Variants in TBC1D4 observed in about 807,000 individuals in gnomAD.
The protein encoded by TBC1D4 is TBC (Tre-2, BUB2, CDC16) domain-containing protein.
Under a neutral mutation model 142.5 loss-of-function variants are expected in TBC1D4, and 121 were observed. The observed-to-expected ratio is 0.85, with a 90% CI of 0.73 to 0.99. The LOEUF (loss-of-function observed/expected upper bound fraction) is 0.99. Among genes scored for constraint, TBC1D4 ranks in the 50% least tolerant of loss-of-function variants. The pLI is 0.00. For synonymous variants in TBC1D4, 630 were observed against 628.2 expected, an observed-to-expected ratio of 1.00 and a Z score of -0.04; for missense variants, 1,475 against 1,606.6, an observed-to-expected ratio of 0.92 and a Z score of 1.40.
In TBC1D4 at chr13:75,333,486, T is replaced by C. The variant is rs550854316; in HGVS notation, c.1731+3435A>G. On this transcript the variant is annotated intron_variant, in intron 8 of 20. Coordinates refer to ENST00000377636, the MANE Select transcript of TBC1D4 (RefSeq NM_014832.5). ...TCACTTTGTTTCTCTTTTTTCATTT[T>C]GAAGCCATCTCAAATGCAGAGGCAA... is the stretch of plus-strand genomic sequence containing the variant. Among the ~76,000 whole-genome samples the C allele has an allele frequency of 3.7e-4, 56 of 152,360 alleles. No homozygotes were observed. In the South Asian group the frequency reaches 6.0e-3, roughly 16 times the overall value.
At chr13:75,292,614 G>A (rs1361897314) in intron 18 of TBC1D4, among the ~76,000 whole-genome samples, 1 of 150,506 alleles carries the variant, frequency 6.6e-6, no homozygotes, top group African/African-American at 2.4e-5. Flanking sequence ...TTCACAACAG[G>A]AATACAAAAA....
chr13:75,341,542 G>T lies in TBC1D4; in HGVS notation c.1454C>A (p.Ser485Ter), dbSNP rs373742805. The T allele has an allele frequency of 6.2e-7, 1 of 1,613,914 alleles. No individual in the cohort carries two copies. Among genetic ancestry groups the T allele is most frequent in the African/African-American group, 1.3e-5 (1 of 74,886 alleles). ...RAKLVIQRHL[S>*]SLTDNEQADI... ...AGCTTGCTCATTATCTGTCAGTGAT[G>T]AGAGATGCCTCTGTATCACCAGCTT... The change falls in exon 6 of 21, where the codon TCA becomes TAA. Residue 485 changes from serine to a stop codon, truncating the protein, a stop_gained. Transcript: ENST00000377636. LOFTEE classifies it high-confidence loss of function.
intron 1 of TBC1D4, among the ~76,000 whole-genome samples, chr13:75,394,517 GTTTAAT>G (rs1034333836): frequency 3.3e-5 from 5 of 152,124 alleles, no homozygotes; most frequent in African/African-American, 1.2e-4. Context: ...TATAATTTTT[GTTTAAT>G]TTTAAGGAAA....
Position 75,326,284 on chromosome 13 carries a change from C to T in TBC1D4, c.1946G>A (p.Ser649Asn), listed in dbSNP as rs762129447. The T allele has an allele frequency of 1.7e-5, 27 of 1,614,102 alleles. No individual in the cohort carries two copies. The highest frequency in any genetic ancestry group is 2.3e-5 in the Non-Finnish European group (27 of 1,180,024). Residue 649 changes from serine (S) to asparagine (N), a missense_variant, in exon 10 of 21, where the codon AGC becomes AAC. Coordinates refer to ENST00000377636, the MANE Select transcript of TBC1D4 (RefSeq NM_014832.5). ...CTGCAAATTCAGCTTTCTCTTTGTGCTTGAAGGTGGGTGGCTGAACGTGTG... is the reference window on the plus strand; with the variant it reads ...CTGCAAATTCAGCTTTCTCTTTGTGTTTGAAGGTGGGTGGCTGAACGTGTG... ...RAHTFSHPPS[S>N]TKRKLNLQDG...
rs200743890 is a variant in TBC1D4 at position 75,350,607 on chromosome 13, TA to T, written c.1276-1306del. ...TGCATTTTTATTTCATTTGCCTTGT[TA>T]ACGCATTCAAAAGCTATTTGTGCAG... On this transcript the variant is annotated intron_variant, in intron 4 of 20. Coordinates refer to ENST00000377636, the MANE Select transcript of TBC1D4 (RefSeq NM_014832.5). Among the ~76,000 whole-genome samples the T allele has an allele frequency of 6.3e-3, 961 of 152,354 alleles. 14 individuals are homozygous for T. Among genetic ancestry groups the T allele is most frequent in the South Asian group, 0.051 (248 of 4,828 alleles).
intron 1 of TBC1D4, 55 bp downstream of exon 1, chr13:75,481,215 C>CCCACCCCCCA: frequency 8.0e-7 from 1 of 1,244,436 alleles, no homozygotes; most frequent in Non-Finnish European, 1.1e-6. Flanking sequence ...TCCCGCCCTG[C>CCCACCCCCCA]TCCCCGATCC....
At chr13:75,353,504 A>G (rs547797913) in intron 4 of TBC1D4, among the ~76,000 whole-genome samples, 1 of 152,192 alleles carries the variant, frequency 6.6e-6, no homozygotes, top group Non-Finnish European at 1.5e-5. Context: ...ACAATCTAGT[A>G]GAGTAGGTGG....
intron 4 of TBC1D4, among the ~76,000 whole-genome samples, chr13:75,350,912 A>T (rs1198465320): frequency 6.6e-6 from 1 of 152,156 alleles, no homozygotes; most frequent in African/African-American, 2.4e-5. Flanking sequence ...AAAATCTACC[A>T]CTTTTCCCAA....
intron 1 of TBC1D4, among the ~76,000 whole-genome samples, chr13:75,442,789 AAAAG>A (rs546580277): frequency 1.3e-4 from 20 of 152,156 alleles, no homozygotes; most frequent in East Asian, 7.7e-4. Flanking sequence ...GAAAAAAAAA[AAAAG>A]AAAGAAAGAA....
At chr13:75,392,623 C>A (rs75664478) in intron 1 of TBC1D4, among the ~76,000 whole-genome samples, 1 of 149,706 alleles carries the variant, frequency 6.7e-6, no homozygotes, top group Non-Finnish European at 1.5e-5. Flanking sequence ...TCCTCCTCCT[C>A]GTCCTACTTC....
chr13:75,398,867 G>C (rs1021761894), intron 1 of TBC1D4, among the ~76,000 whole-genome samples: 20 of 152,104 alleles, frequency 1.3e-4, no homozygotes, highest in African/African-American at 4.8e-4. Context: ...CACTTATCTA[G>C]ACAAGGGGGT....
chr13:75,313,272 T>C (rs1370402472), intron 12 of TBC1D4, among the ~76,000 whole-genome samples: 3 of 152,226 alleles, frequency 2.0e-5, no homozygotes, highest in Admixed American at 6.5e-5. Flanking sequence ...AAATATTCCA[T>C]AAAAGCCTCA....
In TBC1D4 at chr13:75,481,926, G is replaced by A; in HGVS notation, c.-159C>T. ...CCGAACTCCGCGCTTCAGCAGCCCTGCCCCATGCAGCACTTCCACGGGCGC... is the reference window on the plus strand; with the variant it reads ...CCGAACTCCGCGCTTCAGCAGCCCTACCCCATGCAGCACTTCCACGGGCGC... On this transcript the variant is annotated 5_prime_UTR_variant, in exon 1 of 21. It introduces an in-frame stop codon into an upstream open reading frame of the 5' UTR. Transcript: ENST00000377636. 2 of 1,062,270 alleles carry A rather than the reference G, an allele frequency of 1.9e-6. No homozygotes were observed. Among genetic ancestry groups the A allele is most frequent in the Non-Finnish European group, 2.4e-6 (2 of 817,300 alleles). 65.8% of individuals were successfully genotyped at this position (1,062,270 alleles called of 1,614,324 possible). A position where few individuals can be genotyped will look rare whatever the true frequency, so the allele number is the denominator to read the frequency against.
At chr13:75,438,458 C>T (rs1261274991) in intron 1 of TBC1D4, among the ~76,000 whole-genome samples, 1 of 152,106 alleles carries the variant, frequency 6.6e-6, no homozygotes, top group Admixed American at 6.6e-5. Flanking sequence ...AGAGCTCTAT[C>T]CTAGGTGTAT....
intron 1 of TBC1D4, among the ~76,000 whole-genome samples, chr13:75,445,353 T>C (rs1423325239): frequency 6.6e-6 from 1 of 152,196 alleles, no homozygotes. Context: ...GAACAGCACA[T>C]TTCCTTGTCT....
At chr13:75,419,478 G>A (rs1029781668) in intron 1 of TBC1D4, among the ~76,000 whole-genome samples, 1 of 152,078 alleles carries the variant, frequency 6.6e-6, no homozygotes, top group African/African-American at 2.4e-5. Context: ...GCAAATATGT[G>A]AGTTCTGATG....
rs1402090200 is a variant in TBC1D4, at chr13:75,326,194, C to T, written c.2033+3G>A. The T allele has an allele frequency of 3.7e-6, 6 of 1,614,090 alleles. No homozygotes were observed. The East Asian group carries it at 1.1e-4, about 30-fold the overall frequency. ...GTCTCATTCTGGAGAGGGTCAGACTCACCTGCACTGTTCACTGGAGCTCTG... is the reference window on the plus strand; with the variant it reads ...GTCTCATTCTGGAGAGGGTCAGACTTACCTGCACTGTTCACTGGAGCTCTG... On this transcript the variant is annotated splice_donor_region_variant and intron_variant, in intron 10 of 20. Coordinates refer to ENST00000377636, the MANE Select transcript of TBC1D4 (RefSeq NM_014832.5).
intron 12 of TBC1D4, among the ~76,000 whole-genome samples, chr13:75,316,865 G>GCA (rs1307864689): frequency 6.6e-6 from 1 of 152,166 alleles, no homozygotes; most frequent in Non-Finnish European, 1.5e-5. Flanking sequence ...ACTTAGGTAA[G>GCA]AAAGCATAAT....
intron 1 of TBC1D4, among the ~76,000 whole-genome samples, chr13:75,404,213 T>C (rs566868877): frequency 3.3e-5 from 5 of 152,320 alleles, no homozygotes; most frequent in African/African-American, 9.6e-5. Flanking sequence ...ACTGCATACA[T>C]AGTATTATTG....
Sources: gnomAD v4.1 joint callset for allele counts (sites outside exome capture counted in the v4.1 genomes callset) on GRCh38, gnomAD v4.1.1 for gene constraint, MANE v1.5 for transcripts, NCBI Gene and HGNC (gene_info 2026-07-23, HGNC 2026-07-21) for gene names.